Variants in APBB2 observed in about 807,000 individuals in gnomAD.
APBB2 encodes the protein Fe65-like 1.
APBB2 carries 38 observed loss-of-function variants against 82.5 expected under a neutral mutation model. That is an observed-to-expected ratio of 0.46 (90% confidence interval 0.36 to 0.60). The LOEUF is 0.60. Among genes scored for constraint, APBB2 ranks in the 20% least tolerant of loss-of-function variants. APBB2 has a pLI of 0.00. For synonymous variants in APBB2, 341 were observed against 368.2 expected (o/e 0.93, Z 0.85); for missense variants, 772 against 972.3 (o/e 0.79, Z 2.74).
chr4:40,873,901 C>A (rs1338242174), intron 12 of APBB2, among the ~76,000 whole-genome samples: 2 of 152,164 alleles, frequency 1.3e-5, no homozygotes, highest in Non-Finnish European at 2.9e-5. Context: ...GAGAAAAAAT[C>A]TGTATTTTAT....
chr4:40,975,753 AACACACACACACACAC>A lies in APBB2; in HGVS notation c.836-30696_836-30681del, dbSNP rs368424451. ...ATAAAGAATTTAAATGTAGTAAGAA[AACACACACACACACAC>A]ACACACACACACACACACACAACAA... On this transcript the variant is annotated intron_variant, in intron 6 of 17. Transcript: ENST00000508593. Among the ~76,000 whole-genome samples, 3 of 142,096 alleles carry A rather than the reference AACACACACACACACAC, an allele frequency of 2.1e-5. No homozygotes were observed. In the South Asian group the frequency reaches 7.0e-4, roughly 33 times the overall value. The allele number at this position is 142,096 out of a possible 152,430, so 93.2% of individuals were successfully genotyped here.
intron 12 of APBB2, among the ~76,000 whole-genome samples, chr4:40,872,852 G>A (rs145331672): frequency 0.054 from 8,247 of 151,960 alleles, 326 homozygotes; most frequent in Non-Finnish European, 0.086. Context: ...TTGGGAGGCT[G>A]AGGCGGGTGG....
At chr4:40,927,364 A>T (rs1227802046) in intron 10 of APBB2, among the ~76,000 whole-genome samples, 1 of 152,206 alleles carries the variant, frequency 6.6e-6, no homozygotes, top group Non-Finnish European at 1.5e-5. Context: ...TCCACCAAGA[A>T]CTAGTTGTTA....
chr4:40,840,445 T>C (rs1234433730), intron 12 of APBB2, among the ~76,000 whole-genome samples: 2 of 152,170 alleles, frequency 1.3e-5, no homozygotes, highest in African/African-American at 4.8e-5. Context: ...TCTTTCCAGA[T>C]GGCCAATCCA....
At chr4:40,962,424 T>C (rs1793528247) in intron 6 of APBB2, among the ~76,000 whole-genome samples, 1 of 152,170 alleles carries the variant, frequency 6.6e-6, no homozygotes, top group Non-Finnish European at 1.5e-5. Context: ...CTATTTGGTG[T>C]CTAAATTGTG....
chr4:41,111,059 T>C (rs191774103), intron 2 of APBB2, among the ~76,000 whole-genome samples: 13 of 152,244 alleles, frequency 8.5e-5, no homozygotes, highest in Admixed American at 3.9e-4. Context: ...TCATAACGAG[T>C]GGGCAACCTA....
chr4:40,944,286 GT>G (rs1578630422), intron 7 of APBB2, among the ~76,000 whole-genome samples: 2 of 152,216 alleles, frequency 1.3e-5, no homozygotes, highest in Non-Finnish European at 2.9e-5. Flanking sequence ...TCAATTCTTT[GT>G]TTAAACATCC....
intron 6 of APBB2, among the ~76,000 whole-genome samples, chr4:40,981,507 C>T (rs1286974592): frequency 1.3e-5 from 2 of 152,190 alleles, no homozygotes; most frequent in Admixed American, 1.3e-4. Flanking sequence ...ATATTCTCCT[C>T]CATTAGTACA....
intron 3 of APBB2, among the ~76,000 whole-genome samples, chr4:41,077,929 G>A (rs1736204364): frequency 6.6e-6 from 1 of 152,172 alleles, no homozygotes; most frequent in South Asian, 2.1e-4. Flanking sequence ...CAAGAACCAA[G>A]AGATGTGCCA....
chr4:41,036,087 G>A (rs748058797), intron 4 of APBB2, among the ~76,000 whole-genome samples: 2 of 152,170 alleles, frequency 1.3e-5, no homozygotes, highest in Non-Finnish European at 2.9e-5. Context: ...GAGCCCAGGA[G>A]GTTAAGGCTG....
In APBB2 at chr4:41,012,391, G is replaced by A. The variant is rs532380138; in HGVS notation, c.835+1192C>T. Reference sequence around the variant, plus strand: ...ATGAATTCTCTAAATGGGTAAAAAGGATAGAGAGCTGTGAACTCAGGGACA... The same window carrying A: ...ATGAATTCTCTAAATGGGTAAAAAGAATAGAGAGCTGTGAACTCAGGGACA... On this transcript the variant is annotated intron_variant, in intron 6 of 17. Transcript: ENST00000508593. 2.2e-4 allele frequency among the ~76,000 whole-genome samples: 33 copies of A among 152,236 alleles called. No individual in the cohort carries two copies. In the South Asian group the frequency reaches 6.7e-3, roughly 31 times the overall value.
At chr4:41,099,716 A>G (rs1222732554) in intron 3 of APBB2, among the ~76,000 whole-genome samples, 15 of 152,154 alleles carry the variant, frequency 9.9e-5, no homozygotes, top group Admixed American at 9.8e-4. Flanking sequence ...ACATGCTTCA[A>G]CTAACTCATT....
At chr4:41,207,481 G>A (rs958860418) in intron 1 of APBB2, among the ~76,000 whole-genome samples, 2 of 152,018 alleles carry the variant, frequency 1.3e-5, no homozygotes, top group African/African-American at 4.8e-5. Flanking sequence ...GTGTTGTTTT[G>A]CCAGAAAGAG....
chr4:41,088,696 G>A (rs1740697663), intron 3 of APBB2, among the ~76,000 whole-genome samples: 1 of 152,214 alleles, frequency 6.6e-6, no homozygotes, highest in Admixed American at 6.5e-5. Context: ...GAGGCAGCCT[G>A]GTAGAGGGCC....
chr4:41,030,386 CT>C (rs1716279204), intron 5 of APBB2, among the ~76,000 whole-genome samples: 1 of 152,120 alleles, frequency 6.6e-6, no homozygotes. Context: ...GTCATTTTCT[CT>C]GTTCAATTTC....
intron 5 of APBB2, among the ~76,000 whole-genome samples, chr4:41,029,913 TTGGGAGGCTG>T (rs1251102307): frequency 1.3e-5 from 2 of 152,050 alleles, no homozygotes; most frequent in African/African-American, 4.8e-5. Context: ...TCCTAGCACT[TTGGGAGGCTG>T]AGGCAGGCGG....
At chr4:40,857,758 C>G (rs929417802) in intron 12 of APBB2, among the ~76,000 whole-genome samples, 1 of 151,696 alleles carries the variant, frequency 6.6e-6, no homozygotes, top group Non-Finnish European at 1.5e-5. Context: ...GGGTGAGCCA[C>G]CGCACCAGGC....
chr4:41,191,773 G>T (rs1332024298), intron 1 of APBB2, among the ~76,000 whole-genome samples: 1 of 152,098 alleles, frequency 6.6e-6, no homozygotes, highest in Non-Finnish European at 1.5e-5. Context: ...TAATAAATGG[G>T]ACTACATCAA....
intron 6 of APBB2, among the ~76,000 whole-genome samples, chr4:40,996,562 A>G (rs1057197861): frequency 2.0e-5 from 3 of 152,314 alleles, no homozygotes; most frequent in East Asian, 3.9e-4. Context: ...ACATCATCTC[A>G]ACTGACATGT....
Sources: allele counts gnomAD v4.1 joint callset (sites outside exome capture counted in the v4.1 genomes callset), GRCh38; gene constraint gnomAD v4.1.1; transcripts MANE v1.5; gene names NCBI Gene and HGNC (gene_info 2026-07-23, HGNC 2026-07-21).